Variants in NMNAT1 observed in about 807,000 individuals in gnomAD.
NMNAT1 encodes the protein nicotinamide/nicotinic acid mononucleotide adenylyltransferase 1.
A neutral mutation model predicts 16.7 loss-of-function variants in NMNAT1; 11 were observed. The ratio of observed to expected loss-of-function variants is 0.66; its 90% CI spans 0.41 to 1.09. NMNAT1 has a LOEUF of 1.09. Among genes scored for constraint, NMNAT1 ranks in the 50% least tolerant of loss-of-function variants. The probability of loss-of-function intolerance (pLI) is 0.00; values close to 1 mark genes in which losing one functional copy is unlikely to be tolerated. For synonymous variants in NMNAT1, 110 were observed against 119.8 expected (o/e 0.92, Z 0.53); for missense variants, 280 against 332.3 (o/e 0.84, Z 1.22).
intron 1 of NMNAT1, among the ~76,000 whole-genome samples, chr1:9,953,131 C>T (rs941101339): frequency 3.5e-4 from 53 of 151,960 alleles, no homozygotes; most frequent in Non-Finnish European, 6.9e-4. Flanking sequence ...CAGGTGCCCG[C>T]CACCACGCCT....
chr1:9,951,713 G>T (rs116448923), intron 1 of NMNAT1, among the ~76,000 whole-genome samples: 2,539 of 152,230 alleles, frequency 0.017, 67 homozygotes, highest in African/African-American at 0.056. Context: ...GGGCTCAATC[G>T]ATCTGCCTGC....
In NMNAT1 at chr1:9,975,699, A is replaced by G; in HGVS notation, c.223A>G (p.Lys75Glu). Reference sequence around the variant, plus strand: ...GGTCATCATGGCAGAACTTGCTACCAAGAATTCTAAATGGGTGGAAGTTGA... The same window carrying G: ...GGTCATCATGGCAGAACTTGCTACCGAGAATTCTAAATGGGTGGAAGTTGA... ...HRVIMAELAT[K>E]NSKWVEVDTW... Residue 75 changes from lysine (K) to glutamate (E), a missense_variant, in exon 3 of 5, where the codon AAG becomes GAG. Lys to Glu is a moderately conservative substitution (Grantham distance 56). Coordinates refer to ENST00000377205, the MANE Select transcript of NMNAT1 (RefSeq NM_022787.4). 2 of 1,613,910 alleles carry G rather than the reference A, an allele frequency of 1.2e-6. No individual in the cohort carries two copies. The highest frequency in any genetic ancestry group is 8.5e-7 in the Non-Finnish European group (1 of 1,179,848).
At chr1:9,989,599 G>A (rs574465343), downstream of NMNAT1, among the ~76,000 whole-genome samples, 19 of 152,208 alleles carry the variant, frequency 1.2e-4, no homozygotes, top group African/African-American at 4.1e-4. Flanking sequence ...AGCCAGGGAC[G>A]GCTGGACTTC....
At chr1:9,986,716 T>C (rs536280251), downstream of NMNAT1, among the ~76,000 whole-genome samples, 23 of 152,284 alleles carry the variant, frequency 1.5e-4, 1 homozygote, top group South Asian at 4.8e-3. Context: ...ACCCTGTCTC[T>C]ACCAAAAATA....
At chr1:9,952,692 C>T (rs1394230773) in intron 1 of NMNAT1, among the ~76,000 whole-genome samples, 1 of 151,952 alleles carries the variant, frequency 6.6e-6, no homozygotes, top group African/African-American at 2.4e-5. Context: ...TGTGCACCAC[C>T]ACTTCTGGGT....
downstream of NMNAT1, among the ~76,000 whole-genome samples, chr1:9,987,460 G>A (rs1342181767): frequency 6.6e-6 from 1 of 151,634 alleles, no homozygotes; most frequent in African/African-American, 2.4e-5. Context: ...CTAACACAGT[G>A]GAACCCCGTC....
At chr1:9,957,763 C>T (rs957415325) in intron 1 of NMNAT1, among the ~76,000 whole-genome samples, 1 of 152,200 alleles carries the variant, frequency 6.6e-6, no homozygotes, top group Non-Finnish European at 1.5e-5. Context: ...CTTCCTGTCA[C>T]TCCCCCTCGC....
chr1:9,966,595 A>G (rs1203070656), intron 1 of NMNAT1, among the ~76,000 whole-genome samples: 1 of 130,358 alleles, frequency 7.7e-6, no homozygotes, highest in Non-Finnish European at 1.6e-5. Context: ...CCTGAGCAGC[A>G]GAGTGAGACT....
chr1:9,971,974 A>G (rs956096374), intron 1 of NMNAT1, 44 bp from the exon 2 acceptor site: 76 of 655,540 alleles, frequency 1.2e-4, no homozygotes, highest in Admixed American at 1.0e-3. Context: ...TATCTTAGGG[A>G]AAAAAAAATG....
the NMNAT1 span, among the ~76,000 whole-genome samples, chr1:9,995,613 G>A: frequency 3.6e-4 from 55 of 152,104 alleles, no homozygotes; most frequent in African/African-American, 1.3e-3. Flanking sequence ...AGAGTTGCTT[G>A]AACCCAAGAG....
chr1:9,953,170 G>A (rs1231363267), intron 1 of NMNAT1, among the ~76,000 whole-genome samples: 1 of 151,584 alleles, frequency 6.6e-6, no homozygotes, highest in African/African-American at 2.4e-5. Flanking sequence ...TTTTAGTAGA[G>A]ACGGGGTTTC....
downstream of NMNAT1, among the ~76,000 whole-genome samples, chr1:9,987,183 A>T (rs1387788593): frequency 6.6e-6 from 1 of 151,004 alleles, no homozygotes; most frequent in Non-Finnish European, 1.5e-5. Context: ...GGGCAACAAG[A>T]GCAAAAACTC....
At chr1:9,950,383 G>C (rs1355374753) in intron 1 of NMNAT1, among the ~76,000 whole-genome samples, 2 of 152,148 alleles carry the variant, frequency 1.3e-5, no homozygotes, top group Admixed American at 6.5e-5. Context: ...GAACCACCAC[G>C]CCTGGCATAA....
At position 9,953,932 on chromosome 1, in the gene NMNAT1, C is replaced by T. The variant is rs909568833; in HGVS notation, c.-57+10417C>T. On this transcript the variant is annotated intron_variant, in intron 1 of 4. Transcript: ENST00000377205. Reference sequence around the variant, plus strand: ...GCGATCCTCCTGCCACAGTCCCCATCGTAGCTGGGACTACAGGCACGTGCC... The same window carrying T: ...GCGATCCTCCTGCCACAGTCCCCATTGTAGCTGGGACTACAGGCACGTGCC... Among the ~76,000 whole-genome samples, 9 of 147,346 alleles carry T rather than the reference C, an allele frequency of 6.1e-5. No individual in the cohort carries two copies. In the South Asian group the frequency reaches 6.4e-4, roughly 11 times the overall value.
chr1:9,943,536 C>T (rs1480933070), intron 1 of NMNAT1, 21 bp downstream of exon 1: 1 of 152,330 alleles, frequency 6.6e-6, no homozygotes, highest in Non-Finnish European at 1.5e-5. Context: ...CGCAAGGAGC[C>T]CCTGAGAAAC....
intron 1 of NMNAT1, among the ~76,000 whole-genome samples, chr1:9,964,328 A>G (rs549114672): frequency 6.6e-6 from 1 of 151,462 alleles, no homozygotes; most frequent in East Asian, 2.0e-4. Flanking sequence ...TCCACTTCCC[A>G]AAGTGGGAAG....
At chr1:9,962,117 T>G (rs960891165) in intron 1 of NMNAT1, among the ~76,000 whole-genome samples, 1 of 152,034 alleles carries the variant, frequency 6.6e-6, no homozygotes, top group African/African-American at 2.4e-5. Context: ...GTGGCTGCTT[T>G]TCCTATCTTG....
intron 3 of NMNAT1, among the ~76,000 whole-genome samples, chr1:9,978,343 G>A (rs1641860249): frequency 6.6e-6 from 1 of 152,168 alleles, no homozygotes; most frequent in African/African-American, 2.4e-5. Flanking sequence ...GTGACAGAGT[G>A]AGACTCCGTC....
At chr1:9,994,714 G>T in the NMNAT1 span, among the ~76,000 whole-genome samples, 15 of 149,378 alleles carry the variant, frequency 1.0e-4, no homozygotes, top group African/African-American at 3.7e-4. Flanking sequence ...CTGGGTTCAC[G>T]CATTCTCCTG....
Sources: allele counts gnomAD v4.1 joint callset (sites outside exome capture counted in the v4.1 genomes callset), GRCh38; gene constraint gnomAD v4.1.1; transcripts MANE v1.5; gene names NCBI Gene and HGNC (gene_info 2026-07-23, HGNC 2026-07-21).